WDFY3: variants seen among roughly 807,000 people sequenced by gnomAD.
WDFY3 encodes the protein WD repeat and FYVE domain containing 3.
A neutral mutation model predicts 409.6 loss-of-function variants in WDFY3; 66 were observed. The ratio of observed to expected loss-of-function variants is 0.16; its 90% CI spans 0.13 to 0.20. The LOEUF is 0.20. Among genes scored for constraint, WDFY3 ranks in the 10% least tolerant of loss-of-function variants. The pLI is 1.00. For synonymous variants in WDFY3, 1,521 were observed against 1,537.1 expected, an observed-to-expected ratio of 0.99 and a Z score of 0.25; for missense variants, 3,031 against 4,298.1, an observed-to-expected ratio of 0.71 and a Z score of 8.24.
At chr4:84,749,538 T>C (rs901571191) in intron 36 of WDFY3, among the ~76,000 whole-genome samples, 4 of 152,198 alleles carry the variant, frequency 2.6e-5, no homozygotes, top group Non-Finnish European at 4.4e-5. Flanking sequence ...CAGCAGGTCC[T>C]CAAATAACAT....
At chr4:84,944,954 T>C (rs1240212699) in intron 1 of WDFY3, among the ~76,000 whole-genome samples, 1 of 152,134 alleles carries the variant, frequency 6.6e-6, no homozygotes, top group Non-Finnish European at 1.5e-5. Flanking sequence ...TGTGTCATGA[T>C]CAATGGCCTT....
At position 84,739,118 on chromosome 4, in the gene WDFY3, T is replaced by G; in HGVS notation, c.6466A>C (p.Asn2156His). 1 of 1,614,040 alleles carries G rather than the reference T, an allele frequency of 6.2e-7. No homozygotes were observed. Among genetic ancestry groups the G allele is most frequent in the Non-Finnish European group, 8.5e-7 (1 of 1,179,922 alleles). Residue 2156 changes from asparagine (N) to histidine (H), a missense_variant and splice_region_variant, in exon 40 of 68, where the codon AAC becomes CAC. By Grantham distance (68) the Asn-to-His change is moderately conservative. This residue lies in a region of WDFY3 where 314 missense variants were observed against 397.4 expected (regional missense o/e 0.79). Transcript: ENST00000295888. ...GCTTCCAGTCCAAATCCATCCACGTTGCTGAAAAATTCCAGTCAGTTTAAA... is the reference window on the plus strand; with the variant it reads ...GCTTCCAGTCCAAATCCATCCACGTGGCTGAAAAATTCCAGTCAGTTTAAA... ...HCLINLHVGSNVDGFGLEAEA... is the reference protein window; with the variant it reads ...HCLINLHVGSHVDGFGLEAEA...
At chr4:84,955,284 G>A (rs998529506) in intron 1 of WDFY3, among the ~76,000 whole-genome samples, 1 of 151,784 alleles carries the variant, frequency 6.6e-6, no homozygotes, top group Admixed American at 6.6e-5. Flanking sequence ...CAGTAAAGAG[G>A]AATTAAGAAG....
intron 7 of WDFY3, among the ~76,000 whole-genome samples, chr4:84,835,427 A>C (rs1405402668): frequency 6.6e-6 from 1 of 152,202 alleles, no homozygotes; most frequent in Non-Finnish European, 1.5e-5. Context: ...GATAGATCTG[A>C]GTTCTAATCC....
In WDFY3 at chr4:84,713,151, C is replaced by A. The variant is rs767795534; in HGVS notation, c.8042+8G>T. On this transcript the variant is annotated splice_region_variant and intron_variant, in intron 51 of 67. Coordinates refer to ENST00000295888, the MANE Select transcript of WDFY3 (RefSeq NM_014991.6). The stretch of plus-strand genomic sequence containing the variant: ...TAAACTGTAACATGCAAGGAACAAA[C>A]CACCTACCCCTGCTCCACACTCGTG... 1 of 1,613,856 alleles carries A rather than the reference C, an allele frequency of 6.2e-7. No homozygotes were observed. Among genetic ancestry groups the A allele is most frequent in the African/African-American group, 1.3e-5 (1 of 75,022 alleles).
chr4:84,831,636 G>A (rs772323712), intron 7 of WDFY3, 31 bp from the exon 8 acceptor site: 41 of 1,552,666 alleles, frequency 2.6e-5, no homozygotes, highest in Non-Finnish European at 3.6e-5. Flanking sequence ...AAACAAGAGT[G>A]TATAAGCAAA....
intron 55 of WDFY3, among the ~76,000 whole-genome samples, chr4:84,703,662 C>A (rs1731445590): frequency 6.6e-6 from 1 of 152,198 alleles, no homozygotes; most frequent in Admixed American, 6.5e-5. Flanking sequence ...CAGATGTCTG[C>A]AGAAGCAACA....
At chr4:84,755,483 C>A (rs1741279511) in intron 33 of WDFY3, 83 bp from the exon 34 acceptor site, 3 of 1,478,820 alleles carry the variant, frequency 2.0e-6, no homozygotes, top group Non-Finnish European at 2.7e-6. Context: ...GCTAAAATTT[C>A]TTTGAAACTA....
intron 12 of WDFY3, 70 bp downstream of exon 12, chr4:84,820,015 C>T (rs1753830818): frequency 7.6e-7 from 1 of 1,319,660 alleles, no homozygotes; most frequent in Non-Finnish European, 1.0e-6. Flanking sequence ...ATTTCAGAAG[C>T]AAGAATAACC....
At chr4:84,751,320 TA>T in intron 36 of WDFY3, 162 bp downstream of exon 36, 1 of 695,594 alleles carries the variant, frequency 1.4e-6, no homozygotes. Flanking sequence ...TGATAGGGTT[TA>T]AAGCACATGT....
intron 7 of WDFY3, among the ~76,000 whole-genome samples, chr4:84,833,688 A>AAAGAGAAGAGAAGAGAAGAGAAGAG (rs1553979587): frequency 6.7e-5 from 10 of 149,610 alleles, no homozygotes; most frequent in South Asian, 6.3e-4. Flanking sequence ...AAAGAAAAGA[A>AAAGAGAAGAGAAGAGAAGAGAAGAG]AAGAGAAGAG....
chr4:84,751,826 T>C, intron 35 of WDFY3, 110 bp from the exon 36 acceptor site: 1 of 1,128,906 alleles, frequency 8.9e-7, no homozygotes, highest in Non-Finnish European at 1.3e-6. Context: ...CCTATTAAGC[T>C]ATTCAGCACA....
chr4:84,770,271 G>A (rs1040321568), intron 30 of WDFY3, among the ~76,000 whole-genome samples: 12 of 151,358 alleles, frequency 7.9e-5, no homozygotes, highest in African/African-American at 1.7e-4. Flanking sequence ...CTCATGATCC[G>A]CCCTCCTCAG....
chr4:84,796,879 C>G lies in WDFY3; in HGVS notation c.2936-127G>C, dbSNP rs190068588. The stretch of plus-strand genomic sequence containing the variant: ...ATAATTTTTTTTTAAGTGCCAAGAT[C>G]ATTATCCAGTTTTAATGTACATTTA... On this transcript the variant is annotated intron_variant, in intron 18 of 67. Transcript: ENST00000295888. 42 of 707,666 alleles carry G rather than the reference C, an allele frequency of 5.9e-5. No homozygotes were observed. The East Asian group carries it at 6.8e-4, about 12-fold the overall frequency. The allele number at this position is 707,666 out of a possible 1,614,324, so 43.8% of individuals were successfully genotyped here. A position where few individuals can be genotyped will look rare whatever the true frequency, so the allele number is the denominator to read the frequency against.
chr4:84,941,804 G>A (rs1479193301), intron 1 of WDFY3, among the ~76,000 whole-genome samples: 1 of 152,020 alleles, frequency 6.6e-6, no homozygotes, highest in African/African-American at 2.4e-5. Context: ...TCAAGATAGT[G>A]TGGCAGTGGT....
chr4:84,873,075 T>A (rs2150329898), intron 3 of WDFY3, among the ~76,000 whole-genome samples: 1 of 152,250 alleles, frequency 6.6e-6, no homozygotes, highest in South Asian at 2.1e-4. Flanking sequence ...ACAAATTGAT[T>A]ATTGGAGTTT....
At chr4:84,886,053 A>G (rs1243160742) in intron 3 of WDFY3, among the ~76,000 whole-genome samples, 1 of 152,182 alleles carries the variant, frequency 6.6e-6, no homozygotes, top group African/African-American at 2.4e-5. Context: ...ATGGGTAAAA[A>G]AAATTAAAAA....
intron 1 of WDFY3, among the ~76,000 whole-genome samples, chr4:84,938,164 T>TA (rs1252636265): frequency 2.0e-5 from 3 of 152,210 alleles, no homozygotes; most frequent in East Asian, 3.9e-4. Flanking sequence ...CTCCAATGCC[T>TA]AAAAAAGAAT....
intron 3 of WDFY3, among the ~76,000 whole-genome samples, chr4:84,889,657 A>G (rs1261080386): frequency 2.0e-5 from 3 of 152,180 alleles, no homozygotes; most frequent in African/African-American, 7.2e-5. Flanking sequence ...TTCACTATCT[A>G]TGTGACGTCA....
Sources: allele counts gnomAD v4.1 joint callset (sites outside exome capture counted in the v4.1 genomes callset), GRCh38; gene constraint gnomAD v4.1.1; regional missense constraint gnomAD v4.1.1; transcripts MANE v1.5; gene names NCBI Gene and HGNC (gene_info 2026-07-23, HGNC 2026-07-21).